Variants in NLGN1 observed in about 807,000 individuals in gnomAD.
The protein encoded by NLGN1 is neuroligin 1.
Under a neutral mutation model 65.5 loss-of-function variants are expected in NLGN1, and 12 were observed. The observed-to-expected ratio is 0.18, with a 90% CI of 0.12 to 0.30. The LOEUF (loss-of-function observed/expected upper bound fraction) is 0.30. Among genes scored for constraint, NLGN1 ranks in the 10% least tolerant of loss-of-function variants. The pLI is 1.00. For missense variants in NLGN1, 750 were observed against 1,007.1 expected (o/e 0.74, Z 3.46); for synonymous variants, 350 against 359.5 (o/e 0.97, Z 0.30).
chr3:173,538,329 A>G (rs561159974), intron 2 of NLGN1, among the ~76,000 whole-genome samples: 2 of 152,338 alleles, frequency 1.3e-5, no homozygotes, highest in African/African-American at 4.8e-5. Flanking sequence ...GTGGTGGGAA[A>G]CATATAAAAC....
At chr3:173,639,773 G>GA (rs1757118564) in intron 3 of NLGN1, among the ~76,000 whole-genome samples, 1 of 152,148 alleles carries the variant, frequency 6.6e-6, no homozygotes, top group Non-Finnish European at 1.5e-5. Context: ...GAAATGGTTT[G>GA]TCCTCAGGGA....
chr3:173,843,603 G>A (rs943810072), intron 4 of NLGN1, among the ~76,000 whole-genome samples: 2 of 152,128 alleles, frequency 1.3e-5, no homozygotes, highest in African/African-American at 4.8e-5. Context: ...GCAAAATGCT[G>A]CCAGCCTCTT....
At position 173,907,582 on chromosome 3, in the gene NLGN1, CTTTTTTTTT is replaced by C. The variant is rs561283815; in HGVS notation, c.646+99762_646+99770del. Reference sequence around the variant, plus strand: ...CTTAGATGGCTTTATCTCTCTCTCTCTTTTTTTTTTTTTTTTTTTTGAGTTGGAGTGTTG... The same window carrying C: ...CTTAGATGGCTTTATCTCTCTCTCTCTTTTTTTTTTTGAGTTGGAGTGTTG... On this transcript the variant is annotated intron_variant, in intron 4 of 6. Transcript: ENST00000457714. Among the ~76,000 whole-genome samples the C allele has an allele frequency of 6.6e-5, 8 of 120,688 alleles. No individual in the cohort carries two copies. The South Asian group carries it at 2.4e-3, about 37-fold the overall frequency. The allele number at this position is 120,688 out of a possible 152,430, so 79.2% of individuals were successfully genotyped here. A position where few individuals can be genotyped will look rare whatever the true frequency, so the allele number is the denominator to read the frequency against.
chr3:173,431,864 G>C (rs73883134), intron 1 of NLGN1, among the ~76,000 whole-genome samples: 6 of 152,012 alleles, frequency 3.9e-5, no homozygotes, highest in Admixed American at 2.0e-4. Flanking sequence ...ATCCTCTAGG[G>C]CTCTATGGTC....
In NLGN1 at chr3:173,431,299, C is replaced by G. The variant is rs936496950; in HGVS notation, c.-389-3711C>G. Among the ~76,000 whole-genome samples the G allele has an allele frequency of 3.9e-5, 6 of 151,976 alleles. 1 individual carries two copies. The East Asian group carries it at 1.2e-3, about 29-fold the overall frequency. ...CATTTCTCCGAGGATAATTGTGTTT[C>G]CTTTTTTTGGTTTTTAATCTACATT... On this transcript the variant is annotated intron_variant, in intron 1 of 6. Coordinates refer to ENST00000457714, the Ensembl canonical transcript of NLGN1.
chr3:173,706,685 A>G (rs1387426503), intron 3 of NLGN1, among the ~76,000 whole-genome samples: 2 of 152,214 alleles, frequency 1.3e-5, no homozygotes, highest in Non-Finnish European at 2.9e-5. Flanking sequence ...AGCCTATAGC[A>G]TAGGGTATTT....
At position 173,877,101 on chromosome 3, in the gene NLGN1, G is replaced by A. The variant is rs574702366; in HGVS notation, c.646+69269G>A. On this transcript the variant is annotated intron_variant, in intron 4 of 6. Transcript: ENST00000457714. ...AACCGTACAATGTTGAATCTTGGCA[G>A]ACACTACATTAACCAAGTGATCGAT... 9.2e-5 allele frequency among the ~76,000 whole-genome samples: 14 copies of A among 152,268 alleles called. No individual in the cohort carries two copies. The East Asian group carries it at 2.7e-3, about 29-fold the overall frequency.
chr3:173,613,558 G>A (rs1465229784), intron 3 of NLGN1, among the ~76,000 whole-genome samples: 1 of 151,940 alleles, frequency 6.6e-6, no homozygotes, highest in African/African-American at 2.4e-5. Flanking sequence ...TTATCCAGAT[G>A]GTTGCTTATA....
chr3:173,438,184 G>A (rs1028750147), intron 2 of NLGN1, among the ~76,000 whole-genome samples: 2 of 144,134 alleles, frequency 1.4e-5, no homozygotes, highest in Non-Finnish European at 3.0e-5. Flanking sequence ...CACTTTAATG[G>A]TGGTTTTTTC....
At chr3:173,884,375 T>C (rs937511803) in intron 4 of NLGN1, among the ~76,000 whole-genome samples, 1 of 152,184 alleles carries the variant, frequency 6.6e-6, no homozygotes, top group Non-Finnish European at 1.5e-5. Context: ...TATCCTTATG[T>C]GCTATTTGTA....
At chr3:173,448,378 A>G (rs954366064) in intron 2 of NLGN1, among the ~76,000 whole-genome samples, 32 of 152,162 alleles carry the variant, frequency 2.1e-4, no homozygotes, top group African/African-American at 7.0e-4. Context: ...TGATTTTCAT[A>G]TGTTGAACCA....
At chr3:173,699,138 G>A (rs190045222) in intron 3 of NLGN1, among the ~76,000 whole-genome samples, 1 of 152,226 alleles carries the variant, frequency 6.6e-6, no homozygotes, top group East Asian at 1.9e-4. Flanking sequence ...TTACAAGCGT[G>A]AGCCACCGCA....
intron 4 of NLGN1, among the ~76,000 whole-genome samples, chr3:174,268,784 TC>T (rs1748774658): frequency 6.6e-6 from 1 of 152,076 alleles, no homozygotes; most frequent in African/African-American, 2.4e-5. Flanking sequence ...CTCCCCCGTG[TC>T]CAGCTGTCGG....
chr3:174,012,289 G>A (rs566608754), intron 4 of NLGN1, among the ~76,000 whole-genome samples: 7 of 152,242 alleles, frequency 4.6e-5, no homozygotes, highest in African/African-American at 1.7e-4. Flanking sequence ...GCTCTAGACA[G>A]GAGAAGAATG....
chr3:174,182,301 T>C (rs991448412), intron 4 of NLGN1, among the ~76,000 whole-genome samples: 11 of 152,188 alleles, frequency 7.2e-5, no homozygotes, highest in Non-Finnish European at 1.5e-4. Context: ...GTGGTTGAAA[T>C]GCTTAAAGTA....
At chr3:174,182,827 C>G (rs1561235516) in intron 4 of NLGN1, among the ~76,000 whole-genome samples, 1 of 152,118 alleles carries the variant, frequency 6.6e-6, no homozygotes. Flanking sequence ...CTCTCTAAAG[C>G]CTTTCTGACA....
At chr3:173,550,377 A>C (rs536923109) in intron 2 of NLGN1, among the ~76,000 whole-genome samples, 21 of 152,174 alleles carry the variant, frequency 1.4e-4, no homozygotes, top group South Asian at 8.3e-4. Context: ...TCAAGGAAGG[A>C]TCATCTGCTG....
chr3:173,499,034 GC>G (rs1730534721), intron 2 of NLGN1, among the ~76,000 whole-genome samples: 1 of 150,682 alleles, frequency 6.6e-6, no homozygotes, highest in Non-Finnish European at 1.5e-5. Flanking sequence ...AGTTTCTTTT[GC>G]TGTGCAGAAG....
At chr3:174,112,737 A>G (rs1715500909) in intron 4 of NLGN1, among the ~76,000 whole-genome samples, 1 of 152,004 alleles carries the variant, frequency 6.6e-6, no homozygotes. Context: ...ATAAGCTAAT[A>G]ACATCATGTT....
Sources: allele counts gnomAD v4.1 joint callset (sites outside exome capture counted in the v4.1 genomes callset), GRCh38; gene constraint gnomAD v4.1.1; transcripts MANE v1.5; gene names NCBI Gene and HGNC (gene_info 2026-07-23, HGNC 2026-07-21).